NDST4: variants seen among roughly 807,000 people sequenced by gnomAD.
NDST4 encodes N-deacetylase and N-sulfotransferase 4, also known as N-heparan sulfate sulfotransferase 4.
Under a neutral mutation model 100.8 loss-of-function variants are expected in NDST4, and 63 were observed. The observed-to-expected ratio is 0.62, with a 90% CI of 0.51 to 0.77. NDST4 has a LOEUF of 0.77. Ranked by LOEUF, NDST4 falls within the 30% of genes least tolerant of loss-of-function variation. NDST4 has a pLI of 0.00. For missense variants in NDST4, 943 were observed against 1,018.4 expected (o/e 0.93, Z 1.01); for synonymous variants, 377 against 361.8 (o/e 1.04, Z -0.48).
At chr4:114,914,672 T>A (rs1411820732) in intron 6 of NDST4, among the ~76,000 whole-genome samples, 1 of 152,174 alleles carries the variant, frequency 6.6e-6, no homozygotes, top group East Asian at 1.9e-4. Context: ...TTCTGCTTTT[T>A]CAAGAGTTCC....
At chr4:114,906,433 C>G (rs1560805874) in intron 6 of NDST4, among the ~76,000 whole-genome samples, 1 of 151,836 alleles carries the variant, frequency 6.6e-6, no homozygotes, top group Non-Finnish European at 1.5e-5. Context: ...GATAAGCATT[C>G]TCTAGTAACA....
Position 114,960,400 on chromosome 4 carries a change from G to C in NDST4, c.1221+10030C>G, listed in dbSNP as rs537117786. ...ACGCGGGCAGATCATGAGGTCAGGA[G>C]TTTGAGACCAGCCTGGCCAACATGG... On this transcript the variant is annotated intron_variant, in intron 4 of 13. Coordinates refer to ENST00000264363, the MANE Select transcript of NDST4 (RefSeq NM_022569.3). Among the ~76,000 whole-genome samples, 13 of 152,184 alleles carry C rather than the reference G, an allele frequency of 8.5e-5. No individual in the cohort carries two copies. In the South Asian group the frequency reaches 2.3e-3, roughly 27 times the overall value.
intron 1 of NDST4, among the ~76,000 whole-genome samples, chr4:115,081,142 A>C (rs1441767978): frequency 6.6e-6 from 1 of 152,144 alleles, no homozygotes; most frequent in Non-Finnish European, 1.5e-5. Context: ...AACCCAAAGA[A>C]TAAATAAAAT....
chr4:114,869,788 T>C (rs1349582146), intron 7 of NDST4, among the ~76,000 whole-genome samples: 1 of 152,180 alleles, frequency 6.6e-6, no homozygotes, highest in East Asian at 1.9e-4. Context: ...AAAAATTTAT[T>C]TTGTTCTTTG....
At chr4:115,017,012 T>C (rs1727693968) in intron 2 of NDST4, among the ~76,000 whole-genome samples, 1 of 152,004 alleles carries the variant, frequency 6.6e-6, no homozygotes, top group Non-Finnish European at 1.5e-5. Flanking sequence ...TGTGTGTGTG[T>C]GTGTGTGTGT....
intron 2 of NDST4, among the ~76,000 whole-genome samples, chr4:114,977,688 A>T (rs279518): frequency 1.3e-5 from 2 of 151,704 alleles, no homozygotes; most frequent in Admixed American, 1.3e-4. Context: ...TTGAACTGCA[A>T]TTTAATATTT....
intron 2 of NDST4, among the ~76,000 whole-genome samples, chr4:115,039,045 A>G (rs1043287415): frequency 2.6e-5 from 4 of 152,156 alleles, no homozygotes; most frequent in African/African-American, 9.7e-5. Flanking sequence ...TTATAAACAT[A>G]AACAGCAATT....
At chr4:115,065,498 A>T (rs1465478056) in intron 2 of NDST4, among the ~76,000 whole-genome samples, 1 of 152,154 alleles carries the variant, frequency 6.6e-6, no homozygotes, top group East Asian at 1.9e-4. Context: ...CATTTTATTC[A>T]TTCAAAGTGG....
chr4:115,068,736 G>A (rs1250652599), intron 2 of NDST4, among the ~76,000 whole-genome samples: 7 of 148,326 alleles, frequency 4.7e-5, no homozygotes, highest in South Asian at 2.1e-4. Flanking sequence ...AGAATAGCAC[G>A]AACCCGGAGG....
chr4:115,017,973 G>T (rs895130929), intron 2 of NDST4, among the ~76,000 whole-genome samples: 1 of 151,642 alleles, frequency 6.6e-6, no homozygotes, highest in East Asian at 1.9e-4. Flanking sequence ...TATTAATAAG[G>T]GTATGATGTT....
chr4:115,045,332 AAAAC>A (rs1728442184), intron 2 of NDST4, among the ~76,000 whole-genome samples: 1 of 152,210 alleles, frequency 6.6e-6, no homozygotes, highest in African/African-American at 2.4e-5. Context: ...TGCAAAAAGA[AAAAC>A]AAAACCAGAC....
At chr4:114,997,954 G>T (rs2126254546) in intron 2 of NDST4, among the ~76,000 whole-genome samples, 1 of 152,164 alleles carries the variant, frequency 6.6e-6, no homozygotes, top group African/African-American at 2.4e-5. Context: ...AGGCTATGTT[G>T]AAAATTATAT....
chr4:115,046,692 G>A (rs1306438130), intron 2 of NDST4, among the ~76,000 whole-genome samples: 1 of 152,028 alleles, frequency 6.6e-6, no homozygotes, highest in Non-Finnish European at 1.5e-5. Context: ...CATAATTTAA[G>A]AGTTATTTCT....
intron 3 of NDST4, among the ~76,000 whole-genome samples, chr4:114,971,047 A>T (rs1726503730): frequency 6.6e-6 from 1 of 152,018 alleles, no homozygotes; most frequent in Admixed American, 6.6e-5. Context: ...AAAAACAAAC[A>T]CAAAAACAAC....
At chr4:114,861,388 T>C (rs1352996192) in intron 7 of NDST4, among the ~76,000 whole-genome samples, 1 of 152,242 alleles carries the variant, frequency 6.6e-6, no homozygotes, top group Non-Finnish European at 1.5e-5. Flanking sequence ...CATTAAATCA[T>C]GCTGTATGTA....
At position 114,838,481 on chromosome 4, in the gene NDST4, T is replaced by A. The variant is rs554864284; in HGVS notation, c.2286+897A>T. ...GGCACATATACACCATGGAATACTA[T>A]GCAGCTATAAAAAAGGATGAGTTCA... On this transcript the variant is annotated intron_variant, in intron 11 of 13. Coordinates refer to ENST00000264363, the MANE Select transcript of NDST4 (RefSeq NM_022569.3). Among the ~76,000 whole-genome samples, 235 of 152,276 alleles carry A rather than the reference T, an allele frequency of 1.5e-3. 1 individual carries two copies. The highest frequency in any genetic ancestry group is 0.014 in the Middle Eastern group (4 of 294).
At chr4:114,834,783 T>C (rs546467785) in intron 11 of NDST4, among the ~76,000 whole-genome samples, 18 of 152,284 alleles carry the variant, frequency 1.2e-4, no homozygotes, top group African/African-American at 4.1e-4. Flanking sequence ...GCCTCAAATT[T>C]AGAACTTGTT....
At chr4:115,098,723 C>T (rs1014219498) in intron 1 of NDST4, among the ~76,000 whole-genome samples, 1 of 152,100 alleles carries the variant, frequency 6.6e-6, no homozygotes, top group African/African-American at 2.4e-5. Context: ...TAATCAGGTT[C>T]CCCCTCTGTC....
At chr4:114,869,644 A>G (rs1350151698) in intron 7 of NDST4, among the ~76,000 whole-genome samples, 2 of 152,286 alleles carry the variant, frequency 1.3e-5, no homozygotes, top group African/African-American at 4.8e-5. Context: ...AATGTAGTTC[A>G]GTGTAAACAC....
Sources: gnomAD v4.1 joint callset for allele counts (sites outside exome capture counted in the v4.1 genomes callset) on GRCh38, gnomAD v4.1.1 for gene constraint, MANE v1.5 for transcripts, NCBI Gene and HGNC (gene_info 2026-07-23, HGNC 2026-07-21) for gene names.